Variants in KCNK12 observed in about 807,000 individuals in gnomAD.
KCNK12 encodes potassium channel subfamily K member 12.
A neutral mutation model predicts 25.3 loss-of-function variants in KCNK12; 6 were observed. The ratio of observed to expected loss-of-function variants is 0.24; its 90% CI spans 0.13 to 0.47. The LOEUF (loss-of-function observed/expected upper bound fraction) is 0.47. Ranked by LOEUF, KCNK12 falls within the 20% of genes least tolerant of loss-of-function variation. The probability of loss-of-function intolerance (pLI) is 0.99; values close to 1 mark genes in which losing one functional copy is unlikely to be tolerated. For missense variants in KCNK12, 444 were observed against 661.7 expected (o/e 0.67, Z 3.61); for synonymous variants, 331 against 311.1 (o/e 1.06, Z -0.67).
In KCNK12 at chr2:47,566,455, G is replaced by C. The variant is rs535392262; in HGVS notation, c.391+3486C>G. ...ACGTGCACACACACATACACACACTGGTGCAAAAAAGGGCAGAAAGCAAGT... is the reference window on the plus strand; with the variant it reads ...ACGTGCACACACACATACACACACTCGTGCAAAAAAGGGCAGAAAGCAAGT... On this transcript the variant is annotated intron_variant, in intron 1 of 1. Coordinates refer to ENST00000327876, the MANE Select transcript of KCNK12 (RefSeq NM_022055.2). The surrounding 1 kb of genome is among the most constrained non-coding windows in gnomAD (Gnocchi z 4.1). The C allele has an allele frequency of 6.6e-6, 1 of 151,862 alleles. No homozygotes were observed. Among genetic ancestry groups the C allele is most frequent in the Admixed American group, 6.5e-5 (1 of 15,280 alleles). 9.4% of individuals were successfully genotyped at this position (151,862 alleles called of 1,614,324 possible).
rs1262453113 is a variant in KCNK12, at chr2:47,516,366, C to G, written c.*4541G>C. Among the ~76,000 whole-genome samples the G allele has an allele frequency of 1.3e-5, 2 of 152,186 alleles. No homozygotes were observed. Among genetic ancestry groups the G allele is most frequent in the Admixed American group, 1.3e-4 (2 of 15,282 alleles). ...CAGGTTGGATCCATCTCCCAGTCCC[C>G]CAGCCTTGGCTCAGCCTGGCCAAGC... On this transcript the variant is annotated 3_prime_UTR_variant, in exon 2 of 2. Transcript: ENST00000327876.
rs1340940475 is a variant in KCNK12 at position 47,540,674 on chromosome 2, C to G, written c.392-18866G>C. On this transcript the variant is annotated intron_variant, in intron 1 of 1. Transcript: ENST00000327876. This position sits in a 1 kb window ranked among gnomAD's most constrained non-coding sequence, Gnocchi z 5.4. ...GGCACGGTGGCTTATGCCTGTCATG[C>G]CAGCACTTTGGGAGGCCAAGGCAGG... 6.6e-6 allele frequency among the ~76,000 whole-genome samples: 1 copy of G among 152,168 alleles called. No homozygotes were observed. Among genetic ancestry groups the G allele is most frequent in the African/African-American group, 2.4e-5 (1 of 41,446 alleles).
chr2:47,561,514 T>C (rs1267214010), intron 1 of KCNK12, among the ~76,000 whole-genome samples: 3 of 152,162 alleles, frequency 2.0e-5, no homozygotes, highest in Non-Finnish European at 4.4e-5. Context: ...CCCAGAGGAC[T>C]GGACCATGCA....
chr2:47,526,560 C>G (rs189561752), intron 1 of KCNK12, among the ~76,000 whole-genome samples: 2 of 152,206 alleles, frequency 1.3e-5, no homozygotes, highest in East Asian at 3.9e-4. Flanking sequence ...TGGCGAAACT[C>G]CGTTTATACT....
At chr2:47,535,963 A>T (rs116562764) in intron 1 of KCNK12, among the ~76,000 whole-genome samples, 1,690 of 152,170 alleles carry the variant, frequency 0.011, 39 homozygotes, top group African/African-American at 0.039. Flanking sequence ...CGGGATTGCA[A>T]CTCAGTTCTG....
rs1272830738 is a variant in KCNK12, at chr2:47,509,615, G to T, written c.*11292C>A. On this transcript the variant is annotated 3_prime_UTR_variant, in exon 2 of 2. Coordinates refer to ENST00000327876, the MANE Select transcript of KCNK12 (RefSeq NM_022055.2). ...CTGTGGCATGACGTGCTGGAGTCACGATTCTGTCACCCAGTCAGGTCATCA... is the reference window on the plus strand; with the variant it reads ...CTGTGGCATGACGTGCTGGAGTCACTATTCTGTCACCCAGTCAGGTCATCA... Among the ~76,000 whole-genome samples, 1 of 152,230 alleles carries T rather than the reference G, an allele frequency of 6.6e-6. No individual in the cohort carries two copies. The highest frequency in any genetic ancestry group is 6.5e-5 in the Admixed American group (1 of 15,290).
At chr2:47,523,292 C>T (rs1276522880) in intron 1 of KCNK12, among the ~76,000 whole-genome samples, 1 of 152,166 alleles carries the variant, frequency 6.6e-6, no homozygotes, top group African/African-American at 2.4e-5. Context: ...TGAGAGTAGT[C>T]CACCCACACC....
chr2:47,550,673 A>T (rs1430819513), intron 1 of KCNK12, among the ~76,000 whole-genome samples: 3 of 152,028 alleles, frequency 2.0e-5, no homozygotes, highest in South Asian at 2.1e-4. Context: ...GTGAGCCACC[A>T]CACCTGGCCA....
In KCNK12 at chr2:47,521,656, G is replaced by C; in HGVS notation, c.544C>G (p.Arg182Gly). ...LAFIMRACRERQLRRSGLLPA... is the reference protein window; with the variant it reads ...LAFIMRACREGQLRRSGLLPA... Reference sequence around the variant, plus strand: ...AGCAGGCCGCTGCGGCGCAGCTGGCGCTCCCGGCAGGCGCGCATGATGAAG... The same window carrying C: ...AGCAGGCCGCTGCGGCGCAGCTGGCCCTCCCGGCAGGCGCGCATGATGAAG... Residue 182 changes from arginine to glycine, a missense_variant, in exon 2 of 2, where the codon CGC becomes GGC. By Grantham distance (125) the Arg-to-Gly change is moderately radical. This residue lies in a region of KCNK12 where 44 missense variants were observed against 100.7 expected (regional missense o/e 0.44). Transcript: ENST00000327876. The C allele has an allele frequency of 6.3e-7, 1 of 1,593,502 alleles. No individual in the cohort carries two copies.
At chr2:47,534,681 C>G (rs931909747) in intron 1 of KCNK12, among the ~76,000 whole-genome samples, 4 of 152,046 alleles carry the variant, frequency 2.6e-5, no homozygotes, top group Non-Finnish European at 5.9e-5. Context: ...TGCCCACCTA[C>G]CCCGTCCCTC....
chr2:47,512,843 A>G lies in KCNK12; in HGVS notation c.*8064T>C, dbSNP rs1209297051. On this transcript the variant is annotated 3_prime_UTR_variant, in exon 2 of 2. Transcript: ENST00000327876. ...CAGCTGAAGTCTAAATCAATCCACT[A>G]TCAACAGGTAGCTATCATACTACCC... is the stretch of plus-strand genomic sequence containing the variant. The G allele has an allele frequency of 1.2e-5, 2 of 170,698 alleles. No homozygotes were observed. The highest frequency in any genetic ancestry group is 2.4e-5 in the African/African-American group (1 of 41,800). The allele number at this position is 170,698 out of a possible 1,614,324, so 10.6% of individuals were successfully genotyped here.
At position 47,540,447 on chromosome 2, in the gene KCNK12, A is replaced by C. The variant is rs1669173026; in HGVS notation, c.392-18639T>G. Among the ~76,000 whole-genome samples the C allele has an allele frequency of 6.6e-6, 1 of 152,242 alleles. No homozygotes were observed. The highest frequency in any genetic ancestry group is 6.5e-5 in the Admixed American group (1 of 15,288). ...ACCCCTCAAATGCCATCTCTAAATT[A>C]AAATGGGTGATCAGAAAATAGCAGG... On this transcript the variant is annotated intron_variant, in intron 1 of 1. Transcript: ENST00000327876. The surrounding 1 kb of genome is among the most constrained non-coding windows in gnomAD (Gnocchi z 5.4).
chr2:47,515,349 G>A lies in KCNK12; in HGVS notation c.*5558C>T, dbSNP rs1418623612. Among the ~76,000 whole-genome samples the A allele has an allele frequency of 8.5e-5, 13 of 152,130 alleles. No homozygotes were observed. Among genetic ancestry groups the A allele is most frequent in the Non-Finnish European group, 1.3e-4 (9 of 68,026 alleles). On this transcript the variant is annotated 3_prime_UTR_variant, in exon 2 of 2. Coordinates refer to ENST00000327876, the MANE Select transcript of KCNK12 (RefSeq NM_022055.2). ...CAGCATTAACCTATTTATGCCTAGC[G>A]TTCCCTTATTGGAACACTAAGTCTG...
chr2:47,559,112 A>G (rs1572608966), intron 1 of KCNK12, among the ~76,000 whole-genome samples: 1 of 152,208 alleles, frequency 6.6e-6, no homozygotes, highest in East Asian at 1.9e-4. Flanking sequence ...TCTGAGGGTA[A>G]CAAGGGCTGA....
At chr2:47,537,862 C>T (rs777484244) in intron 1 of KCNK12, among the ~76,000 whole-genome samples, 1 of 152,060 alleles carries the variant, frequency 6.6e-6, no homozygotes. Flanking sequence ...GCAAGAGAAG[C>T]GGTTTGGGAG....
Position 47,566,233 on chromosome 2 carries a change from C to G in KCNK12, c.391+3708G>C, listed in dbSNP as rs973457789. ...ATTGCAAACTGCCCAGCTGTGGATACGGGGCCCTGTTCAAACCAAATATCA... is the reference window on the plus strand; with the variant it reads ...ATTGCAAACTGCCCAGCTGTGGATAGGGGGCCCTGTTCAAACCAAATATCA... On this transcript the variant is annotated intron_variant, in intron 1 of 1. Coordinates refer to ENST00000327876, the MANE Select transcript of KCNK12 (RefSeq NM_022055.2). The surrounding 1 kb of genome is among the most constrained non-coding windows in gnomAD (Gnocchi z 4.1). The G allele has an allele frequency of 3.9e-5, 6 of 152,300 alleles. No homozygotes were observed. Among genetic ancestry groups the G allele is most frequent in the South Asian group, 2.1e-4 (1 of 4,830 alleles). 9.4% of individuals were successfully genotyped at this position (152,300 alleles called of 1,614,324 possible). A position where few individuals can be genotyped will look rare whatever the true frequency, so the allele number is the denominator to read the frequency against.
At position 47,526,116 on chromosome 2, in the gene KCNK12, C is replaced by T. The variant is rs752215432; in HGVS notation, c.392-4308G>A. 1.4e-4 allele frequency among the ~76,000 whole-genome samples: 21 copies of T among 151,924 alleles called. 1 individual carries two copies. The highest frequency in any genetic ancestry group is 3.9e-4 in the East Asian group (2 of 5,186). The stretch of plus-strand genomic sequence containing the variant: ...CAACAACAACAACAACAAAAGAGGC[C>T]GGGCGTGATGGCTCATGCCTGTAAT... On this transcript the variant is annotated intron_variant, in intron 1 of 1. Transcript: ENST00000327876.
intron 1 of KCNK12, among the ~76,000 whole-genome samples, chr2:47,530,180 C>A (rs915703257): frequency 1.3e-5 from 2 of 152,196 alleles, no homozygotes; most frequent in Non-Finnish European, 2.9e-5. Context: ...TCTCTCCTAA[C>A]AGGGAGGAGT....
At position 47,540,391 on chromosome 2, in the gene KCNK12, G is replaced by C. The variant is rs1055913850; in HGVS notation, c.392-18583C>G. Among the ~76,000 whole-genome samples the C allele has an allele frequency of 2.0e-5, 3 of 152,196 alleles. No homozygotes were observed. The highest frequency in any genetic ancestry group is 7.2e-5 in the African/African-American group (3 of 41,438). Reference sequence around the variant, plus strand: ...GCATGGGCTCACCTGCTCAGGGTTTGAATGAGACCCCGGTAACCGCAGCAG... The same window carrying C: ...GCATGGGCTCACCTGCTCAGGGTTTCAATGAGACCCCGGTAACCGCAGCAG... On this transcript the variant is annotated intron_variant, in intron 1 of 1. Transcript: ENST00000327876. This position sits in a 1 kb window ranked among gnomAD's most constrained non-coding sequence, Gnocchi z 5.4.
Sources: gnomAD v4.1 joint callset for allele counts (sites outside exome capture counted in the v4.1 genomes callset) on GRCh38, gnomAD v4.1.1 for gene constraint, gnomAD v4.1.1 regional missense constraint, Gnocchi (gnomAD v3.1) non-coding constraint, MANE v1.5 for transcripts, NCBI Gene and HGNC (gene_info 2026-07-23, HGNC 2026-07-21) for gene names.